Variants in GPHN observed in about 807,000 individuals in gnomAD.
GPHN encodes the protein gephyrin.
A neutral mutation model predicts 95.5 loss-of-function variants in GPHN; 17 were observed. The observed-to-expected ratio is 0.18, with a 90% CI of 0.12 to 0.27. GPHN has a LOEUF of 0.27. GPHN is among the 10% of genes least tolerant of loss of function. The pLI, the probability that GPHN is intolerant of heterozygous loss-of-function variation, is 1.00. For missense variants in GPHN, 660 were observed against 978.1 expected (o/e 0.67, Z 4.34); for synonymous variants, 320 against 322.5 (o/e 0.99, Z 0.08).
At chr14:67,720,494 G>A in the GPHN span, among the ~76,000 whole-genome samples, 3 of 152,140 alleles carry the variant, frequency 2.0e-5, no homozygotes, top group African/African-American at 7.2e-5. Flanking sequence ...CGTCTTTGAG[G>A]TATTCGAATT....
At chr14:67,251,011 C>A in the GPHN span, among the ~76,000 whole-genome samples, 2 of 152,114 alleles carry the variant, frequency 1.3e-5, no homozygotes, top group East Asian at 3.9e-4. Flanking sequence ...TGTCAGCATT[C>A]TTCTTTTTAC....
chr14:66,894,245 A>G (rs955036111), intron 5 of GPHN, among the ~76,000 whole-genome samples: 2 of 152,332 alleles, frequency 1.3e-5, no homozygotes, highest in South Asian at 4.1e-4. Context: ...AAACCTGACA[A>G]AAACAAGCAA....
At chr14:66,940,161 C>G (rs1376344403) in intron 8 of GPHN, among the ~76,000 whole-genome samples, 1 of 150,266 alleles carries the variant, frequency 6.7e-6, no homozygotes, top group Admixed American at 6.6e-5. Flanking sequence ...AAGATGTATC[C>G]AAAGGGAGTG....
the GPHN span, among the ~76,000 whole-genome samples, chr14:67,235,260 A>G: frequency 6.6e-6 from 1 of 152,140 alleles, no homozygotes; most frequent in East Asian, 1.9e-4. Flanking sequence ...CACACAAAAC[A>G]AAAGTGTGAT....
the GPHN span, among the ~76,000 whole-genome samples, chr14:67,520,442 C>G: frequency 6.6e-6 from 1 of 152,194 alleles, no homozygotes. Context: ...CCATTTAAAG[C>G]CTTTTCAAAC....
intron 16 of GPHN, among the ~76,000 whole-genome samples, chr14:67,119,176 G>T (rs969785157): frequency 6.6e-6 from 1 of 152,152 alleles, no homozygotes; most frequent in Admixed American, 6.5e-5. Flanking sequence ...AAAGTATATG[G>T]ATCTGAACAA....
chr14:67,359,563 G>C, the GPHN span: 1 of 1,409,230 alleles, frequency 7.1e-7, no homozygotes, highest in Non-Finnish European at 9.9e-7. Context: ...GATCCTCCCA[G>C]GAAACAAGGA....
chr14:67,509,491 G>A, the GPHN span, among the ~76,000 whole-genome samples: 9 of 152,088 alleles, frequency 5.9e-5, no homozygotes, highest in Non-Finnish European at 5.9e-5. Flanking sequence ...GCTAATTTTT[G>A]TGTTTTTAGT....
chr14:67,666,330 A>C, the GPHN span, among the ~76,000 whole-genome samples: 1 of 152,276 alleles, frequency 6.6e-6, no homozygotes, highest in African/African-American at 2.4e-5. Context: ...TGAAAGGGGG[A>C]GAAGAAGACC....
intron 1 of GPHN, among the ~76,000 whole-genome samples, chr14:66,544,663 A>G (rs1410511087): frequency 3.3e-5 from 5 of 151,764 alleles, no homozygotes; most frequent in African/African-American, 9.7e-5. Context: ...TCACAGGACA[A>G]TAGTGGAGGG....
intron 2 of GPHN, among the ~76,000 whole-genome samples, chr14:66,722,545 G>A (rs2070859110): frequency 6.6e-6 from 1 of 152,130 alleles, no homozygotes. Flanking sequence ...CTGGGCTCAA[G>A]TGATCCTCCC....
At chr14:66,566,417 G>C (rs980792056) in intron 1 of GPHN, among the ~76,000 whole-genome samples, 2 of 152,124 alleles carry the variant, frequency 1.3e-5, no homozygotes, top group Non-Finnish European at 2.9e-5. Flanking sequence ...TGAGAGGACA[G>C]CTGTGCTGTT....
the GPHN span, chr14:67,388,093 C>T: frequency 1.6e-6 from 1 of 609,682 alleles, no homozygotes; most frequent in African/African-American, 1.9e-5. Flanking sequence ...CACTTCAAAA[C>T]TCACACCACT....
intron 11 of GPHN, among the ~76,000 whole-genome samples, chr14:67,077,413 C>G (rs552622587): frequency 6.6e-6 from 1 of 152,150 alleles, no homozygotes; most frequent in Non-Finnish European, 1.5e-5. Context: ...TGACTTGCCA[C>G]ATGTTTTCAA....
intron 1 of GPHN, among the ~76,000 whole-genome samples, chr14:66,577,197 A>G (rs1396082436): frequency 6.6e-6 from 1 of 152,182 alleles, no homozygotes; most frequent in Non-Finnish European, 1.5e-5. Flanking sequence ...GACCACACTT[A>G]AAAGTGGCAT....
intron 8 of GPHN, among the ~76,000 whole-genome samples, chr14:66,959,243 G>A (rs543497942): frequency 1.1e-4 from 16 of 151,812 alleles, no homozygotes; most frequent in African/African-American, 2.9e-4. Context: ...AAAAATATAC[G>A]TGAGATACGA....
chr14:67,271,383 C>G, the GPHN span: 3 of 152,142 alleles, frequency 2.0e-5, no homozygotes, highest in African/African-American at 4.8e-5. Context: ...TATTCTGAAG[C>G]CTTCTGTTGT....
the GPHN span, chr14:67,199,465 C>A: frequency 6.2e-7 from 1 of 1,612,874 alleles, no homozygotes; most frequent in Non-Finnish European, 8.5e-7. Context: ...TTATGTGGGA[C>A]CCTGACACAG....
intron 2 of GPHN, among the ~76,000 whole-genome samples, chr14:66,683,358 A>G (rs1385552073): frequency 1.3e-5 from 1 of 75,462 alleles, no homozygotes; most frequent in African/African-American, 6.6e-5. Flanking sequence ...ATATATATAT[A>G]TATATATATA....
Sources: gnomAD v4.1 joint callset for allele counts (sites outside exome capture counted in the v4.1 genomes callset) on GRCh38, gnomAD v4.1.1 for gene constraint, MANE v1.5 for transcripts, NCBI Gene and HGNC (gene_info 2026-07-23, HGNC 2026-07-21) for gene names.